NFIB: variants seen among roughly 807,000 people sequenced by gnomAD.
NFIB encodes nuclear factor 1 B-type.
Under a neutral mutation model 61.5 loss-of-function variants are expected in NFIB, and 11 were observed. The observed-to-expected ratio is 0.18, with a 90% CI of 0.11 to 0.30. NFIB has a LOEUF of 0.30. Among genes scored for constraint, NFIB ranks in the 10% least tolerant of loss-of-function variants. NFIB has a pLI of 1.00. For synonymous variants in NFIB, 260 were observed against 216.5 expected (o/e 1.20, Z -1.76); for missense variants, 471 against 608.9 (o/e 0.77, Z 2.38).
the NFIB span, among the ~76,000 whole-genome samples, chr9:14,421,610 T>C: frequency 2.6e-5 from 4 of 152,204 alleles, no homozygotes; most frequent in Non-Finnish European, 5.9e-5. Flanking sequence ...CAAATGAAAG[T>C]TGACAAATGT....
the NFIB span, among the ~76,000 whole-genome samples, chr9:14,515,740 G>A: frequency 6.6e-6 from 1 of 152,192 alleles, no homozygotes; most frequent in Non-Finnish European, 1.5e-5. Flanking sequence ...AAATGCAGAG[G>A]CTGACTCAGT....
chr9:14,413,273 A>G, the NFIB span, among the ~76,000 whole-genome samples: 1 of 152,172 alleles, frequency 6.6e-6, no homozygotes, highest in Non-Finnish European at 1.5e-5. Context: ...GGGGAACAGT[A>G]TCAGGCATAT....
chr9:14,144,821 G>A (rs1394514438), intron 6 of NFIB, among the ~76,000 whole-genome samples: 1 of 152,166 alleles, frequency 6.6e-6, no homozygotes, highest in Non-Finnish European at 1.5e-5. Context: ...TGAAGAGTTA[G>A]CAGAGCATTC....
chr9:14,456,141 T>C, the NFIB span, among the ~76,000 whole-genome samples: 1 of 152,114 alleles, frequency 6.6e-6, no homozygotes, highest in Non-Finnish European at 1.5e-5. Flanking sequence ...TTATCAAATA[T>C]TGGTGATTTC....
At chr9:14,487,543 C>A in the NFIB span, among the ~76,000 whole-genome samples, 1 of 152,248 alleles carries the variant, frequency 6.6e-6, no homozygotes, top group East Asian at 1.9e-4. Flanking sequence ...TCTTCCCTGA[C>A]CCCACCCCCA....
At chr9:14,249,303 G>GT (rs1425932101) in intron 2 of NFIB, among the ~76,000 whole-genome samples, 3 of 152,174 alleles carry the variant, frequency 2.0e-5, no homozygotes. Flanking sequence ...AGTTTAAATA[G>GT]TAAGTGGTGG....
intron 1 of NFIB, among the ~76,000 whole-genome samples, chr9:14,347,939 A>G (rs1352696948): frequency 6.6e-6 from 1 of 152,166 alleles, no homozygotes; most frequent in South Asian, 2.1e-4. Context: ...TTCGCGTCGC[A>G]CGCGGTGTCT....
chr9:14,380,766 A>C (rs1161533016), intron 1 of NFIB, among the ~76,000 whole-genome samples: 1 of 152,112 alleles, frequency 6.6e-6, no homozygotes, highest in Non-Finnish European at 1.5e-5. Context: ...CACTCTGCAG[A>C]GGAGCTATTG....
chr9:14,341,516 G>A (rs2060950155), intron 1 of NFIB, among the ~76,000 whole-genome samples: 5 of 152,180 alleles, frequency 3.3e-5, no homozygotes, highest in Admixed American at 2.6e-4. Context: ...AGAAGTGCTG[G>A]GAAGGGACTG....
At chr9:14,235,767 T>C (rs1311617024) in intron 2 of NFIB, among the ~76,000 whole-genome samples, 1 of 152,122 alleles carries the variant, frequency 6.6e-6, no homozygotes, top group Admixed American at 6.5e-5. Context: ...ACCTGATATG[T>C]ACAAGAAAGA....
chr9:14,357,946 T>C (rs1372628271), intron 1 of NFIB: 2 of 152,200 alleles, frequency 1.3e-5, no homozygotes, highest in Non-Finnish European at 2.9e-5. Flanking sequence ...GGCAATTCTA[T>C]AGGGACAGAA....
chr9:14,422,681 G>T, the NFIB span, among the ~76,000 whole-genome samples: 3 of 152,210 alleles, frequency 2.0e-5, no homozygotes, highest in African/African-American at 7.2e-5. Context: ...TAGGTCATGG[G>T]TCCACATCTT....
chr9:14,499,343 T>G, the NFIB span, among the ~76,000 whole-genome samples: 1 of 152,024 alleles, frequency 6.6e-6, no homozygotes, highest in African/African-American at 2.4e-5. Flanking sequence ...AAAGAGCTTC[T>G]TCAGTGGAAG....
At chr9:14,234,042 T>A (rs891611601) in intron 2 of NFIB, among the ~76,000 whole-genome samples, 5 of 152,202 alleles carry the variant, frequency 3.3e-5, no homozygotes, top group Admixed American at 1.3e-4. Flanking sequence ...GTGTTACATG[T>A]CAAGGAAAGG....
the NFIB span, among the ~76,000 whole-genome samples, chr9:14,527,970 C>G: frequency 6.6e-6 from 1 of 152,036 alleles, no homozygotes; most frequent in Admixed American, 6.6e-5. Context: ...ATATATTTAG[C>G]ATATTTATCA....
the NFIB span, among the ~76,000 whole-genome samples, chr9:14,410,408 A>G: frequency 2.0e-5 from 3 of 152,144 alleles, no homozygotes; most frequent in Non-Finnish European, 2.9e-5. Flanking sequence ...TGAATCATTT[A>G]TTGGAAAGGG....
intron 1 of NFIB, among the ~76,000 whole-genome samples, chr9:14,365,377 T>A (rs1253362119): frequency 2.6e-5 from 4 of 152,208 alleles, no homozygotes; most frequent in Non-Finnish European, 5.9e-5. Context: ...CTGAGGATAA[T>A]GTGTCTTCCC....
the NFIB span, among the ~76,000 whole-genome samples, chr9:14,420,445 C>CAAAA: frequency 0.04 from 1,700 of 42,252 alleles, 230 homozygotes; most frequent in East Asian, 0.046. Flanking sequence ...GACTCCGTCT[C>CAAAA]AAAAAAAAAA....
At chr9:14,316,492 C>T (rs530790005), upstream of NFIB, among the ~76,000 whole-genome samples, 3 of 152,386 alleles carry the variant, frequency 2.0e-5, no homozygotes, top group African/African-American at 4.8e-5. Flanking sequence ...GCCCCTGCCC[C>T]GGCAAATCCT....
Sources: allele counts gnomAD v4.1 joint callset (sites outside exome capture counted in the v4.1 genomes callset), GRCh38; gene constraint gnomAD v4.1.1; transcripts MANE v1.5; gene names NCBI Gene and HGNC (gene_info 2026-07-23, HGNC 2026-07-21).